The following PTPN9 variants were observed in gnomAD, a reference collection of about 807,000 sequenced individuals.
PTPN9 encodes the protein tyrosine-protein phosphatase non-receptor type 9.
In PTPN9, 26 loss-of-function variants were observed where a neutral mutation model predicts 69.8. That is an observed-to-expected ratio of 0.37 (90% confidence interval 0.27 to 0.52). The LOEUF is 0.52. Ranked by LOEUF, PTPN9 falls within the 20% of genes least tolerant of loss-of-function variation. The probability of loss-of-function intolerance (pLI) is 0.91; values close to 1 mark genes in which losing one functional copy is unlikely to be tolerated. For missense variants in PTPN9, 549 were observed against 740.3 expected (o/e 0.74, Z 3.00); for synonymous variants, 274 against 272.5 (o/e 1.01, Z -0.05).
intron 1 of PTPN9, among the ~76,000 whole-genome samples, chr15:75,537,171 G>A (rs1331969967): frequency 6.6e-6 from 1 of 151,226 alleles, no homozygotes; most frequent in Non-Finnish European, 1.5e-5. Flanking sequence ...GACCAATATG[G>A]CAAAACTCCG....
chr15:75,510,398 T>C (rs2074840046), intron 5 of PTPN9, among the ~76,000 whole-genome samples: 1 of 151,958 alleles, frequency 6.6e-6, no homozygotes, highest in African/African-American at 2.4e-5. Context: ...CCACTACACT[T>C]GGCTAATTTT....
intron 8 of PTPN9, among the ~76,000 whole-genome samples, chr15:75,483,265 A>G (rs2074655137): frequency 6.6e-6 from 1 of 152,256 alleles, no homozygotes; most frequent in African/African-American, 2.4e-5. Context: ...ACTTATACAT[A>G]AATATCCATA....
chr15:75,550,163 G>A (rs915727447), intron 1 of PTPN9, among the ~76,000 whole-genome samples: 1 of 149,768 alleles, frequency 6.7e-6, no homozygotes, highest in Non-Finnish European at 1.5e-5. Context: ...AAACCCCTGT[G>A]GTAGTTTTTT....
chr15:75,499,583 AT>A (rs2074762240), intron 7 of PTPN9, among the ~76,000 whole-genome samples: 1 of 151,212 alleles, frequency 6.6e-6, no homozygotes, highest in Non-Finnish European at 1.5e-5. Flanking sequence ...TTTTTGTATT[AT>A]TAGAAGAGAC....
At chr15:75,577,139 C>T (rs1013952480) in intron 1 of PTPN9, among the ~76,000 whole-genome samples, 1 of 152,156 alleles carries the variant, frequency 6.6e-6, no homozygotes, top group Non-Finnish European at 1.5e-5. Flanking sequence ...TATGTGTATG[C>T]ACTATGTACA....
chr15:75,510,975 CTTTT>C (rs2074842779), intron 5 of PTPN9, among the ~76,000 whole-genome samples: 1 of 152,106 alleles, frequency 6.6e-6, no homozygotes, highest in Non-Finnish European at 1.5e-5. Flanking sequence ...TATATTTGTC[CTTTT>C]TTGTCTTGTT....
intron 1 of PTPN9, among the ~76,000 whole-genome samples, chr15:75,576,576 G>A (rs375983862): frequency 6.6e-5 from 10 of 151,786 alleles, no homozygotes; most frequent in East Asian, 5.8e-4. Flanking sequence ...TTTGGAGGAC[G>A]AGGCGGGCAG....
intron 12 of PTPN9, 137 bp from the exon 13 acceptor site, chr15:75,469,120 T>C (rs1385424865): frequency 2.7e-6 from 2 of 736,190 alleles, no homozygotes; most frequent in Non-Finnish European, 4.4e-6. Flanking sequence ...GCCTTAGGCC[T>C]GAAAGGACTC....
chr15:75,540,669 C>T (rs936901214), intron 1 of PTPN9, among the ~76,000 whole-genome samples: 4 of 151,970 alleles, frequency 2.6e-5, no homozygotes, highest in Admixed American at 2.0e-4. Context: ...ATGATCCAGG[C>T]GGCTGCTAGG....
intron 1 of PTPN9, among the ~76,000 whole-genome samples, chr15:75,547,479 C>A (rs566221291): frequency 8.6e-5 from 13 of 151,658 alleles, no homozygotes; most frequent in African/African-American, 3.1e-4. Flanking sequence ...CAAAACAAAA[C>A]AAAAAACAAA....
rs146132057 is a variant in PTPN9, at chr15:75,527,733, G to A, written c.64-472C>T. 2.7e-3 allele frequency among the ~76,000 whole-genome samples: 408 copies of A among 152,136 alleles called. 2 individuals are homozygous for A. Among genetic ancestry groups the A allele is most frequent in the African/African-American group, 9.3e-3 (386 of 41,488 alleles). On this transcript the variant is annotated intron_variant, in intron 1 of 12. Coordinates refer to ENST00000618819, the MANE Select transcript of PTPN9 (RefSeq NM_002833.4). ...TAGCCGGATGTGGTGGCGCACGCCT[G>A]TAATGTCAGCTACTTGGGAGGCTGA... is the stretch of plus-strand genomic sequence containing the variant.
intron 1 of PTPN9, among the ~76,000 whole-genome samples, chr15:75,531,859 G>A (rs960627921): frequency 3.3e-5 from 5 of 152,034 alleles, no homozygotes; most frequent in African/African-American, 9.7e-5. Context: ...ACCCCCGGCC[G>A]AGACATGGTA....
intron 4 of PTPN9, among the ~76,000 whole-genome samples, chr15:75,517,888 C>A (rs2074879890): frequency 6.6e-6 from 1 of 152,020 alleles, no homozygotes; most frequent in Non-Finnish European, 1.5e-5. Flanking sequence ...CCTAGCACAG[C>A]CCTTAAAAAT....
At chr15:75,569,882 C>T (rs749803325) in intron 1 of PTPN9, among the ~76,000 whole-genome samples, 3 of 151,754 alleles carry the variant, frequency 2.0e-5, no homozygotes, top group Admixed American at 6.6e-5. Flanking sequence ...AGGGCAGTGG[C>T]GCGATCTCAG....
intron 1 of PTPN9, among the ~76,000 whole-genome samples, chr15:75,535,552 T>G (rs2074979342): frequency 6.6e-6 from 1 of 152,132 alleles, no homozygotes; most frequent in Admixed American, 6.6e-5. Flanking sequence ...ACAAACACCA[T>G]GAAAAAATGC....
At chr15:75,563,842 G>A (rs2075115061) in intron 1 of PTPN9, among the ~76,000 whole-genome samples, 1 of 152,012 alleles carries the variant, frequency 6.6e-6, no homozygotes, top group African/African-American at 2.4e-5. Flanking sequence ...TGCTATACAA[G>A]GACCTGGCAC....
intron 6 of PTPN9, among the ~76,000 whole-genome samples, chr15:75,506,471 G>T (rs1187147339): frequency 1.3e-5 from 2 of 152,098 alleles, no homozygotes; most frequent in South Asian, 4.1e-4. Context: ...TTCTATGAAA[G>T]CAAGACACCC....
intron 1 of PTPN9, among the ~76,000 whole-genome samples, chr15:75,551,954 C>T (rs1439494302): frequency 6.6e-6 from 1 of 150,952 alleles, no homozygotes; most frequent in Non-Finnish European, 1.5e-5. Flanking sequence ...AGAAGAATTG[C>T]TGGAAACTGC....
intron 1 of PTPN9, among the ~76,000 whole-genome samples, chr15:75,560,650 T>C (rs113780208): frequency 9.2e-5 from 14 of 152,256 alleles, no homozygotes; most frequent in Non-Finnish European, 1.6e-4. Flanking sequence ...AAGAGGAGGA[T>C]TGCTTGAGCC....
Sources: allele counts gnomAD v4.1 joint callset (sites outside exome capture counted in the v4.1 genomes callset), GRCh38; gene constraint gnomAD v4.1.1; transcripts MANE v1.5; gene names NCBI Gene and HGNC (gene_info 2026-07-23, HGNC 2026-07-21).